NPTX2: variants seen among roughly 807,000 people sequenced by gnomAD.
The protein encoded by NPTX2 is neuronal pentraxin 2.
NPTX2 carries 23 observed loss-of-function variants against 38.1 expected under a neutral mutation model. The ratio of observed to expected loss-of-function variants is 0.60; its 90% CI spans 0.43 to 0.85. The LOEUF is 0.85. NPTX2 is among the 40% of genes least tolerant of loss of function. The pLI, the probability that NPTX2 is intolerant of heterozygous loss-of-function variation, is 0.00. For missense variants in NPTX2, 553 were observed against 615.3 expected (o/e 0.90, Z 1.07); for synonymous variants, 291 against 287.3 (o/e 1.01, Z -0.13).
At position 98,617,537 on chromosome 7, in the gene NPTX2, C is replaced by G; in HGVS notation, c.76C>G (p.Arg26Gly). The G allele has an allele frequency of 7.0e-7, 1 of 1,426,894 alleles. No individual in the cohort carries two copies. The allele number at this position is 1,426,894 out of a possible 1,614,324, so 88.4% of individuals were successfully genotyped here. Reference sequence around the variant, plus strand: ...CCAGGACAGCCCGGCGCCCGGTAGCCGCTTCGTGTGCACGGCACTGCCCCC... The same window carrying G: ...CCAGGACAGCCCGGCGCCCGGTAGCGGCTTCGTGTGCACGGCACTGCCCCC... The part of the protein sequence containing the change: ...GAQDSPAPGS[R>G]FVCTALPPEA... The change falls in exon 1 of 5, where the codon CGC (arginine) becomes GGC (glycine). Residue 26 changes from arginine to glycine, a missense_variant. Transcript: ENST00000265634.
intron 3 of NPTX2, among the ~76,000 whole-genome samples, chr7:98,626,137 ACC>A (rs1791344703): frequency 7.9e-6 from 1 of 126,992 alleles, no homozygotes; most frequent in Non-Finnish European, 1.6e-5. Context: ...ACAGAGCGAT[ACC>A]CTGTCTCAAA....
chr7:98,627,730 G>GA (rs1409278283), intron 4 of NPTX2, among the ~76,000 whole-genome samples: 6 of 152,314 alleles, frequency 3.9e-5, no homozygotes, highest in Admixed American at 3.9e-4. Flanking sequence ...TTCCATCTGG[G>GA]AGGAGGCTGT....
At chr7:98,627,589 G>A (rs187718315) in intron 4 of NPTX2, among the ~76,000 whole-genome samples, 235 of 152,316 alleles carry the variant, frequency 1.5e-3, no homozygotes, top group African/African-American at 5.1e-3. Context: ...TTAGAGGTTG[G>A]GCGTGGGGTC....
rs183828303 is a variant in NPTX2, at chr7:98,618,770, C to T, written c.427-873C>T. ...TTTGTGAAAATACTTCTCAGCAAAACTAGGTTTAAATTACAGGTGGTAATT... is the reference window on the plus strand; with the variant it reads ...TTTGTGAAAATACTTCTCAGCAAAATTAGGTTTAAATTACAGGTGGTAATT... On this transcript the variant is annotated intron_variant, in intron 1 of 4. Coordinates refer to ENST00000265634, the MANE Select transcript of NPTX2 (RefSeq NM_002523.3). 5.3e-5 allele frequency among the ~76,000 whole-genome samples: 8 copies of T among 152,064 alleles called. No homozygotes were observed. In the East Asian group the frequency reaches 1.2e-3, roughly 22 times the overall value.
intron 4 of NPTX2, among the ~76,000 whole-genome samples, chr7:98,627,703 G>A (rs1021081759): frequency 3.3e-5 from 5 of 152,168 alleles, no homozygotes; most frequent in Non-Finnish European, 5.9e-5. Flanking sequence ...GGGTCATCTC[G>A]TGACACAGGC....
intron 2 of NPTX2, among the ~76,000 whole-genome samples, chr7:98,620,953 G>A (rs537731341): frequency 1.6e-4 from 25 of 152,302 alleles, no homozygotes; most frequent in Non-Finnish European, 2.5e-4. Context: ...CTTCAGTCAT[G>A]CCAGGCGGGA....
At position 98,629,796 on chromosome 7, in the gene NPTX2, AT is replaced by A. The variant is rs1791413232; in HGVS notation, c.*1168del. 1 of 152,458 alleles carries A rather than the reference AT, an allele frequency of 6.6e-6. No homozygotes were observed. The highest frequency in any genetic ancestry group is 2.1e-4 in the South Asian group (1 of 4,832). The allele number at this position is 152,458 out of a possible 1,614,324, so 9.4% of individuals were successfully genotyped here. ...ATTCCATTTGTAGGACCAAGTCGACATGCCCATCCTGACATTGTATGCTACG... is the reference window on the plus strand; with the variant it reads ...ATTCCATTTGTAGGACCAAGTCGACAGCCCATCCTGACATTGTATGCTACG... On this transcript the variant is annotated 3_prime_UTR_variant, in exon 5 of 5. Transcript: ENST00000265634.
chr7:98,617,446 C>T lies in NPTX2; in HGVS notation c.-16C>T, dbSNP rs938052249. The T allele has an allele frequency of 3.1e-6, 3 of 958,546 alleles. No individual in the cohort carries two copies. Among genetic ancestry groups the T allele is most frequent in the African/African-American group, 1.7e-5 (1 of 57,876 alleles). The allele number at this position is 958,546 out of a possible 1,614,324, so 59.4% of individuals were successfully genotyped here. A position where few individuals can be genotyped will look rare whatever the true frequency, so the allele number is the denominator to read the frequency against. Reference sequence around the variant, plus strand: ...CCGCTCGCCCATGCCGAGCTGAGCGCGGCAGCGGCGGCGGGATGCTGGCGC... The same window carrying T: ...CCGCTCGCCCATGCCGAGCTGAGCGTGGCAGCGGCGGCGGGATGCTGGCGC... On this transcript the variant is annotated 5_prime_UTR_variant, in exon 1 of 5. Transcript: ENST00000265634.
At chr7:98,618,229 A>G (rs1025120908) in intron 1 of NPTX2, among the ~76,000 whole-genome samples, 1 of 152,182 alleles carries the variant, frequency 6.6e-6, no homozygotes, top group Non-Finnish European at 1.5e-5. Flanking sequence ...GGGACGCGGT[A>G]GCCTCTATCC....
chr7:98,618,582 C>CTCCGT, intron 1 of NPTX2, among the ~76,000 whole-genome samples: 1 of 64,268 alleles, frequency 1.6e-5, no homozygotes, highest in Non-Finnish European at 3.1e-5. Flanking sequence ...CCCCCTCCCC[C>CTCCGT]CCTCCCCCTC....
In NPTX2 at chr7:98,627,107, T is replaced by G. The variant is rs543033562; in HGVS notation, c.889-58T>G. 1.2e-4 allele frequency: 157 copies of G among 1,268,686 alleles called. 1 individual carries two copies. In the African/African-American group the frequency reaches 2.2e-3, roughly 18 times the overall value. The allele number at this position is 1,268,686 out of a possible 1,614,324, so 78.6% of individuals were successfully genotyped here. The stretch of plus-strand genomic sequence containing the variant: ...GGGGTGTCCTTCCTGCTTCCTGCCC[T>G]GGGGGACCCTGAGGGCGTGGGCCCA... On this transcript the variant is annotated intron_variant, in intron 3 of 4. Coordinates refer to ENST00000265634, the MANE Select transcript of NPTX2 (RefSeq NM_002523.3).
intron 2 of NPTX2, among the ~76,000 whole-genome samples, chr7:98,621,406 C>T (rs1377181207): frequency 6.6e-6 from 1 of 152,202 alleles, no homozygotes; most frequent in Non-Finnish European, 1.5e-5. Context: ...AGCCCAGCCT[C>T]TCTTCATCCC....
At position 98,628,737 on chromosome 7, in the gene NPTX2, G is replaced by T. The variant is rs1038163167; in HGVS notation, c.*108G>T. On this transcript the variant is annotated 3_prime_UTR_variant, in exon 5 of 5. Coordinates refer to ENST00000265634, the MANE Select transcript of NPTX2 (RefSeq NM_002523.3). The stretch of plus-strand genomic sequence containing the variant: ...TGTCAGTCTGGGCTCAGGGTTCCCA[G>T]AGCTCATTCCCCAGGAATCTCTAAG... 2.9e-5 allele frequency: 17 copies of T among 584,690 alleles called. No individual in the cohort carries two copies. Among genetic ancestry groups the T allele is most frequent in the Non-Finnish European group, 4.6e-5 (15 of 328,046 alleles). The allele number at this position is 584,690 out of a possible 1,614,324, so 36.2% of individuals were successfully genotyped here.
chr7:98,618,581 C>A (rs1791218377), intron 1 of NPTX2, among the ~76,000 whole-genome samples: 1 of 63,606 alleles, frequency 1.6e-5, no homozygotes, highest in Non-Finnish European at 3.1e-5. Context: ...CCCCCCTCCC[C>A]CCCTCCCCCT....
rs770587701 is a variant in NPTX2 at position 98,628,539 on chromosome 7, C to T, written c.1206C>T (p.Ile402=). 2 of 1,611,882 alleles carry T rather than the reference C, an allele frequency of 1.2e-6. No homozygotes were observed. The highest frequency in any genetic ancestry group is 1.7e-6 in the Non-Finnish European group (2 of 1,178,552). ...GCTCCACAAACATGCCGGGCAACAT[C>T]ATCCCGTGGGTGGACAATAACGTCG... The part of the protein sequence containing the change: ...ANCSTNMPGN[I]IPWVDNNVDV... Residue 402 remains isoleucine (I), a synonymous_variant, in exon 5 of 5, where the codon ATC becomes ATT. Transcript: ENST00000265634.
chr7:98,628,739 G>A lies in NPTX2; in HGVS notation c.*110G>A, dbSNP rs1226917181. 5.2e-6 allele frequency: 3 copies of A among 577,854 alleles called. No homozygotes were observed. The highest frequency in any genetic ancestry group is 2.9e-4 in the Middle Eastern group (1 of 3,500). The allele number at this position is 577,854 out of a possible 1,614,324, so 35.8% of individuals were successfully genotyped here. A position where few individuals can be genotyped will look rare whatever the true frequency, so the allele number is the denominator to read the frequency against. ...TCAGTCTGGGCTCAGGGTTCCCAGA[G>A]CTCATTCCCCAGGAATCTCTAAGAC... On this transcript the variant is annotated 3_prime_UTR_variant, in exon 5 of 5. Transcript: ENST00000265634.
Position 98,628,390 on chromosome 7 carries a change from C to G in NPTX2, c.1069-12C>G, listed in dbSNP as rs1470520519. 6.9e-7 allele frequency: 1 copy of G among 1,448,420 alleles called. No individual in the cohort carries two copies. The highest frequency in any genetic ancestry group is 1.4e-5 in the African/African-American group (1 of 71,724). The allele number at this position is 1,448,420 out of a possible 1,614,324, so 89.7% of individuals were successfully genotyped here. ...CCAGCCCTGACGCAGCTCTCTTGTT[C>G]CCATTCCCCAGGACACCGTGGGGGG... On this transcript the variant is annotated splice_polypyrimidine_tract_variant and intron_variant, in intron 4 of 4. Coordinates refer to ENST00000265634, the MANE Select transcript of NPTX2 (RefSeq NM_002523.3).
At position 98,624,920 on chromosome 7, in the gene NPTX2, A is replaced by G; in HGVS notation, c.644-2A>G. 6.2e-7 allele frequency: 1 copy of G among 1,606,256 alleles called. No homozygotes were observed. Among genetic ancestry groups the G allele is most frequent in the Non-Finnish European group, 8.5e-7 (1 of 1,174,012 alleles). ...CTGGCCTCTCTTCCTCCCAACCCCC[A>G]GGCAATAGCGCCTTTAAGTCACCAG... On this transcript the variant is annotated splice_acceptor_variant, in intron 2 of 4. Coordinates refer to ENST00000265634, the MANE Select transcript of NPTX2 (RefSeq NM_002523.3). LOFTEE classifies it high-confidence loss of function.
At chr7:98,624,475 C>T (rs1046039874) in intron 2 of NPTX2, among the ~76,000 whole-genome samples, 3 of 152,278 alleles carry the variant, frequency 2.0e-5, no homozygotes, top group Non-Finnish European at 2.9e-5. Flanking sequence ...GTGCCCCATG[C>T]AGTGCCCACA....
Sources: allele counts gnomAD v4.1 joint callset (sites outside exome capture counted in the v4.1 genomes callset), GRCh38; gene constraint gnomAD v4.1.1; transcripts MANE v1.5; gene names NCBI Gene and HGNC (gene_info 2026-07-23, HGNC 2026-07-21).